TMEM87B: variants seen among roughly 807,000 people sequenced by gnomAD.
The protein encoded by TMEM87B is transmembrane protein 87B.
In TMEM87B, 83 loss-of-function variants were observed where a neutral mutation model predicts 80.3. The observed-to-expected ratio is 1.03, with a 90% confidence interval of 0.87 to 1.24. The LOEUF (loss-of-function observed/expected upper bound fraction) is 1.24, where lower values mean the gene tolerates loss of function less well. TMEM87B is among the 50% of genes most tolerant of loss of function. TMEM87B has a pLI of 0.00. For synonymous variants in TMEM87B, 219 were observed against 230.5 expected (o/e 0.95, Z 0.45); for missense variants, 625 against 674.4 (o/e 0.93, Z 0.81).
At chr2:112,080,450 G>T (rs546640490) in intron 6 of TMEM87B, among the ~76,000 whole-genome samples, 1 of 150,636 alleles carries the variant, frequency 6.6e-6, no homozygotes. Flanking sequence ...TAGTAGAGAC[G>T]GTGTTTCACC....
At chr2:112,065,365 A>G (rs995848421) in intron 3 of TMEM87B, among the ~76,000 whole-genome samples, 4 of 152,142 alleles carry the variant, frequency 2.6e-5, no homozygotes, top group Admixed American at 6.6e-5. Context: ...AAATTTTGCA[A>G]CTGGGCAGGG....
chr2:112,105,159 C>G (rs1414550789), intron 15 of TMEM87B, among the ~76,000 whole-genome samples: 1 of 152,106 alleles, frequency 6.6e-6, no homozygotes, highest in African/African-American at 2.4e-5. Flanking sequence ...ACACACGCTT[C>G]AGTGTTCAAA....
rs191315283 is a variant in TMEM87B at position 112,080,481 on chromosome 2, G to C, written c.593-576G>C. ...TCACCGTGTTAGCCAGGATGGTCTC[G>C]ATCTCCTGACCTCGTAATCCGCCCG... On this transcript the variant is annotated intron_variant, in intron 6 of 18. Transcript: ENST00000283206. Among the ~76,000 whole-genome samples the C allele has an allele frequency of 6.4e-3, 958 of 149,124 alleles. 23 individuals carry two copies. The highest frequency in any genetic ancestry group is 0.055 in the Admixed American group (820 of 14,988).
intron 6 of TMEM87B, among the ~76,000 whole-genome samples, chr2:112,078,563 C>T (rs1678890109): frequency 6.6e-6 from 1 of 152,162 alleles, no homozygotes; most frequent in African/African-American, 2.4e-5. Flanking sequence ...CTCTTAATAC[C>T]ACCACAGTGG....
At chr2:112,058,096 G>T (rs1463095002) in intron 1 of TMEM87B, among the ~76,000 whole-genome samples, 1 of 152,162 alleles carries the variant, frequency 6.6e-6, no homozygotes, top group African/African-American at 2.4e-5. Flanking sequence ...CAAAGTTCTG[G>T]GATTACGGGC....
chr2:112,077,232 TTA>T lies in TMEM87B; in HGVS notation c.544_545del (p.Ile182CysfsTer4). On this transcript the variant is annotated frameshift_variant, in exon 6 of 19. Coordinates refer to ENST00000283206, the MANE Select transcript of TMEM87B (RefSeq NM_032824.3). LOFTEE classifies it high-confidence loss of function. ...ACACAAAAAGATGGGTTTCATATCTTTATTGTTTCTATTAAAACGGAGAATAC... is the reference window on the plus strand; with the variant it reads ...ACACAAAAAGATGGGTTTCATATCTTTTGTTTCTATTAAAACGGAGAATAC... 1.9e-6 allele frequency: 3 copies of T among 1,598,024 alleles called. No homozygotes were observed. Among genetic ancestry groups the T allele is most frequent in the Non-Finnish European group, 2.6e-6 (3 of 1,173,300 alleles).
intron 17 of TMEM87B, among the ~76,000 whole-genome samples, chr2:112,111,631 A>G (rs1415632032): frequency 6.6e-6 from 1 of 152,210 alleles, no homozygotes; most frequent in East Asian, 1.9e-4. Flanking sequence ...TTAATGTACA[A>G]TTTACATAGC....
chr2:112,055,841 A>C (rs1678035444), intron 1 of TMEM87B, 85 bp downstream of exon 1: 43 of 1,396,404 alleles, frequency 3.1e-5, no homozygotes, highest in East Asian at 5.8e-5. Flanking sequence ...GGGCTTGTTC[A>C]CCCTGCCTCT....
chr2:112,080,484 C>T (rs1482752308), intron 6 of TMEM87B, among the ~76,000 whole-genome samples: 1 of 151,974 alleles, frequency 6.6e-6, no homozygotes, highest in African/African-American at 2.4e-5. Context: ...TGGTCTCGAT[C>T]TCCTGACCTC....
chr2:112,100,620 A>G lies in TMEM87B; in HGVS notation c.1377-2A>G, dbSNP rs751828387. On this transcript the variant is annotated splice_acceptor_variant, in intron 14 of 18. Coordinates refer to ENST00000283206, the MANE Select transcript of TMEM87B (RefSeq NM_032824.3). LOFTEE classifies it high-confidence loss of function. ...TAAAACTACTCCTTGTTTTTGCTAT[A>G]GATATGCCTTCATGCCCTTAATAGA... 2.5e-6 allele frequency: 4 copies of G among 1,602,788 alleles called. No individual in the cohort carries two copies. Among genetic ancestry groups the G allele is most frequent in the South Asian group, 1.1e-5 (1 of 89,918 alleles).
intron 17 of TMEM87B, among the ~76,000 whole-genome samples, chr2:112,108,147 T>G (rs1679822315): frequency 6.6e-6 from 1 of 150,592 alleles, no homozygotes; most frequent in Admixed American, 6.6e-5. Flanking sequence ...TATGTAAACT[T>G]TTTTTTTTTA....
At chr2:112,085,893 T>C (rs562793669) in intron 8 of TMEM87B, 112 bp from the exon 9 acceptor site, 1 of 760,438 alleles carries the variant, frequency 1.3e-6, no homozygotes, top group East Asian at 2.8e-5. Flanking sequence ...CAAATGTGGC[T>C]GATTGGTCTG....
Position 112,091,735 on chromosome 2 carries a change from T to A in TMEM87B, c.1056T>A (p.Val352=). The A allele has an allele frequency of 6.2e-7, 1 of 1,613,484 alleles. No individual in the cohort carries two copies. Among genetic ancestry groups the A allele is most frequent in the Non-Finnish European group, 8.5e-7 (1 of 1,179,616 alleles). ...VIGGSNHLAV[V]LDDIILAVID... Reference sequence around the variant, plus strand: ...AGGGTTCTAACCATTTAGCTGTTGTTCTTGATGACATTATTTTAGCAGTTA... The same window carrying A: ...AGGGTTCTAACCATTTAGCTGTTGTACTTGATGACATTATTTTAGCAGTTA... Residue 352 remains valine (V), a synonymous_variant, in exon 11 of 19, where the codon GTT becomes GTA. Coordinates refer to ENST00000283206, the MANE Select transcript of TMEM87B (RefSeq NM_032824.3).
intron 2 of TMEM87B, among the ~76,000 whole-genome samples, chr2:112,061,786 C>T (rs1185034570): frequency 6.6e-6 from 1 of 152,178 alleles, no homozygotes; most frequent in South Asian, 2.1e-4. Flanking sequence ...AAGAATGGGA[C>T]AGCATGAGGG....
At chr2:112,065,581 G>T (rs1678401269) in intron 3 of TMEM87B, among the ~76,000 whole-genome samples, 2 of 146,556 alleles carry the variant, frequency 1.4e-5, no homozygotes, top group Admixed American at 1.4e-4. Context: ...GGAGTTTAAA[G>T]TTGCAATGTG....
intron 2 of TMEM87B, 52 bp from the exon 3 acceptor site, chr2:112,064,110 A>T (rs1039688815): frequency 6.8e-7 from 1 of 1,474,632 alleles, no homozygotes; most frequent in Non-Finnish European, 9.4e-7. Context: ...TTAAGTTTAT[A>T]TTAGAGTGTA....
intron 6 of TMEM87B, among the ~76,000 whole-genome samples, chr2:112,080,252 AT>A (rs927281441): frequency 1.2e-4 from 14 of 121,212 alleles, no homozygotes; most frequent in Admixed American, 2.6e-4. Flanking sequence ...TTTTTTTTTA[AT>A]TTTTTTTATC....
rs1679325082 is a variant in TMEM87B at position 112,092,248 on chromosome 2, G to A, written c.1104+465G>A. The stretch of plus-strand genomic sequence containing the variant: ...GTAGGGGTTTACTATTAATAAGGAG[G>A]TAATTAGGGAAGAGGTATTCTAGGA... On this transcript the variant is annotated intron_variant, in intron 11 of 18. Transcript: ENST00000283206. 2.6e-5 allele frequency among the ~76,000 whole-genome samples: 4 copies of A among 152,316 alleles called. No homozygotes were observed. The South Asian group carries it at 8.3e-4, about 32-fold the overall frequency.
intron 16 of TMEM87B, 132 bp from the exon 17 acceptor site, chr2:112,107,656 T>A (rs1333870298): frequency 2.3e-6 from 1 of 432,802 alleles, no homozygotes; most frequent in African/African-American, 2.0e-5. Flanking sequence ...GAGTGCCAAC[T>A]TAGGACATAT....
Sources: gnomAD v4.1 joint callset for allele counts (sites outside exome capture counted in the v4.1 genomes callset) on GRCh38, gnomAD v4.1.1 for gene constraint, MANE v1.5 for transcripts, NCBI Gene and HGNC (gene_info 2026-07-23, HGNC 2026-07-21) for gene names.